Variants in DNAH1 observed in about 807,000 individuals in gnomAD.
DNAH1 encodes dynein axonemal heavy chain 1, also known as axonemal beta dynein heavy chain 1.
Under a neutral mutation model 484.3 loss-of-function variants are expected in DNAH1, and 327 were observed. The observed-to-expected ratio is 0.68, with a 90% CI of 0.62 to 0.74. The LOEUF (loss-of-function observed/expected upper bound fraction) is 0.74, where lower values mean the gene tolerates loss of function less well. Ranked by LOEUF, DNAH1 falls within the 30% of genes least tolerant of loss-of-function variation. The pLI, the probability that DNAH1 is intolerant of heterozygous loss-of-function variation, is 0.00. For synonymous variants in DNAH1, 2,192 were observed against 2,191.9 expected, an observed-to-expected ratio of 1.00 and a Z score of 0.00; for missense variants, 5,052 against 5,546.8, an observed-to-expected ratio of 0.91 and a Z score of 2.83.
chr3:52,373,710 G>T, intron 44 of DNAH1: 1 of 1,365,536 alleles, frequency 7.3e-7, no homozygotes, highest in Non-Finnish European at 1.0e-6. Flanking sequence ...TCAGTGTTGC[G>T]TCCTTTTTGA....
intron 64 of DNAH1, 31 bp downstream of exon 64, chr3:52,392,720 C>T (rs552525986): frequency 6.7e-5 from 106 of 1,575,958 alleles, no homozygotes; most frequent in Non-Finnish European, 8.4e-5. Flanking sequence ...CCACCTGCCC[C>T]GGGAGTGCCC....
At chr3:52,374,936 T>G (rs2153224896) in intron 44 of DNAH1, 1 of 597,836 alleles carries the variant, frequency 1.7e-6, no homozygotes, top group East Asian at 4.2e-5. Context: ...TTGAAATGTT[T>G]TTATAAGATA....
chr3:52,350,568 A>G lies in DNAH1; in HGVS notation c.2707A>G (p.Ser903Gly). Residue 903 changes from serine (S) to glycine (G), a missense_variant, in exon 16 of 78, where the codon AGC becomes GGC. Physicochemically the swap from Ser to Gly is moderately conservative, Grantham distance 56. Coordinates refer to ENST00000420323, the MANE Select transcript of DNAH1 (RefSeq NM_015512.5). ...CATGGATGAATTCCTCTACAACCTC[A>G]GCTCAGATGACTTCAATGACAAGTG... ...QVMDEFLYNL[S>G]SDDFNDKWIA... 6.2e-7 allele frequency: 1 copy of G among 1,613,870 alleles called. No homozygotes were observed.
In DNAH1 at chr3:52,370,494, C is replaced by T. The variant is rs376133388; in HGVS notation, c.6276C>T (p.Pro2092=). Residue 2092 remains proline (P), a synonymous_variant, in exon 40 of 78, where the codon CCC becomes CCT. Transcript: ENST00000420323. ...FLPREGLKKI[P]SEKLSRIVEL... ...ATCCCCAGGGCCTCAAGAAAATACC[C>T]TCTGAAAAGCTGAGTCGCATCGTAG... 2.5e-5 allele frequency: 40 copies of T among 1,613,870 alleles called. No homozygotes were observed. The South Asian group carries it at 3.8e-4, about 16-fold the overall frequency.
rs764731923 is a variant in DNAH1, at chr3:52,395,512, A to C, written c.11128-35A>C. 1.9e-6 allele frequency: 3 copies of C among 1,613,136 alleles called. No homozygotes were observed. Among genetic ancestry groups the C allele is most frequent in the East Asian group, 2.2e-5 (1 of 44,856 alleles). ...AAGGGAGTGGGCTGGGGGGTGGGCA[A>C]GCTGGCCCCCTGCTCAGTGCTCTTG... On this transcript the variant is annotated intron_variant, in intron 69 of 77. Coordinates refer to ENST00000420323, the MANE Select transcript of DNAH1 (RefSeq NM_015512.5). The surrounding 1 kb of genome is among the most constrained non-coding windows in gnomAD (Gnocchi z 4.4).
intron 21 of DNAH1, among the ~76,000 whole-genome samples, chr3:52,356,273 G>C (rs1308037414): frequency 6.6e-6 from 1 of 152,204 alleles, no homozygotes; most frequent in Non-Finnish European, 1.5e-5. Context: ...AAGGAGGCTG[G>C]TTTGTCTCCC....
chr3:52,384,803 C>T lies in DNAH1; in HGVS notation c.8340C>T (p.Tyr2780=), dbSNP rs566804596. The T allele has an allele frequency of 9.3e-5, 149 of 1,605,636 alleles. 3 individuals carry two copies. The South Asian group carries it at 1.6e-3, about 17-fold the overall frequency. The change falls in exon 53 of 78, where the codon TAC becomes TAT. Residue 2780 remains tyrosine, a synonymous_variant. Transcript: ENST00000420323. ...EIQGLIQVCV[Y]IHQSVSKKCI... ...TCCCCCAGATCCAGGTCTGTGTGTACATCCACCAGTCGGTGTCCAAGAAGT... is the reference window on the plus strand; with the variant it reads ...TCCCCCAGATCCAGGTCTGTGTGTATATCCACCAGTCGGTGTCCAAGAAGT...
At chr3:52,327,447 G>T (rs1167384619) in intron 5 of DNAH1, among the ~76,000 whole-genome samples, 1 of 152,114 alleles carries the variant, frequency 6.6e-6, no homozygotes, top group Non-Finnish European at 1.5e-5. Context: ...GTCTAGCTAA[G>T]GGCTACCTCC....
intron 50 of DNAH1, among the ~76,000 whole-genome samples, 179 bp downstream of exon 50, chr3:52,382,634 C>G (rs934639225): frequency 1.3e-5 from 2 of 152,170 alleles, no homozygotes; most frequent in African/African-American, 4.8e-5. Flanking sequence ...TGAGACCAAA[C>G]CCAACCTCTC....
Position 52,357,984 on chromosome 3 carries a change from G to A in DNAH1, c.4067G>A (p.Cys1356Tyr). ...GCCGTGCAGCCACACCTGCGCAAGT[G>A]CTTCGAGAACATCGCTCGGGTGGGC... is the stretch of plus-strand genomic sequence containing the variant. ...PTAVQPHLRKCFENIARLLFQ... is the reference protein window; with the variant it reads ...PTAVQPHLRKYFENIARLLFQ... The change falls in exon 24 of 78, where the codon TGC becomes TAC. Residue 1356 changes from cysteine to tyrosine, a missense_variant. This residue lies in a region of DNAH1 where 2,929 missense variants were observed against 3,409.4 expected (regional missense o/e 0.86). Transcript: ENST00000420323. 1.9e-6 allele frequency: 3 copies of A among 1,610,400 alleles called. No individual in the cohort carries two copies. Among genetic ancestry groups the A allele is most frequent in the East Asian group, 2.2e-5 (1 of 44,770 alleles).
rs1702557272 is a variant in DNAH1, at chr3:52,355,104, G to A, written c.3693+49G>A. ...CCTCATCGCTCCCCCACTTCAGAGA[G>A]CCCGACCCACAGGTGTCACTGATGG... On this transcript the variant is annotated intron_variant, in intron 21 of 77. Transcript: ENST00000420323. The surrounding 1 kb of genome is among the most constrained non-coding windows in gnomAD (Gnocchi z 4.5). 6.3e-7 allele frequency: 1 copy of A among 1,577,150 alleles called. No individual in the cohort carries two copies. Among genetic ancestry groups the A allele is most frequent in the African/African-American group, 1.3e-5 (1 of 74,174 alleles).
intron 75 of DNAH1, 81 bp from the exon 76 acceptor site, chr3:52,398,767 ACT>A: frequency 8.1e-7 from 1 of 1,233,982 alleles, no homozygotes; most frequent in South Asian, 1.6e-5. Flanking sequence ...ATTGTTTTTC[ACT>A]CTGTGGCCTT....
chr3:52,340,174 T>C (rs548332252), intron 8 of DNAH1, among the ~76,000 whole-genome samples: 1 of 152,210 alleles, frequency 6.6e-6, no homozygotes, highest in Admixed American at 6.5e-5. Context: ...CCTCAAACTC[T>C]TGGGCTCAAG....
rs1475328760 is a variant in DNAH1 at position 52,391,235 on chromosome 3, CA to C, written c.9799del (p.Met3267TrpfsTer20). 6.2e-7 allele frequency: 1 copy of C among 1,613,770 alleles called. No homozygotes were observed. Among genetic ancestry groups the C allele is most frequent in the African/African-American group, 1.3e-5 (1 of 74,930 alleles). On this transcript the variant is annotated frameshift_variant, in exon 62 of 78. Coordinates refer to ENST00000420323, the MANE Select transcript of DNAH1 (RefSeq NM_015512.5). LOFTEE classifies it high-confidence loss of function. Reference protein sequence around the residue: ...KLSDRDFLRSMENAIRFGKPC... With the variant: ...KLSDRDFLRSXENAIRFGKPC... ...TGAGTGACCGCGACTTCCTGCGCAG[CA>C]TGGAGAACGCCATCCGCTTTGGCAA...
intron 37 of DNAH1, 131 bp from the exon 38 acceptor site, chr3:52,369,694 T>C: frequency 2.1e-6 from 2 of 973,196 alleles, no homozygotes; most frequent in Non-Finnish European, 3.0e-6. Flanking sequence ...CACCCAGCAC[T>C]GCCCCTGCCC....
In DNAH1 at chr3:52,370,752, T is replaced by C. The variant is rs977106120; in HGVS notation, c.6452T>C (p.Phe2151Ser). Residue 2151 changes from phenylalanine to serine, a missense_variant, in exon 41 of 78, where the codon TTC becomes TCC. By Grantham distance (155) the Phe-to-Ser change is radical. Coordinates refer to ENST00000420323, the MANE Select transcript of DNAH1 (RefSeq NM_015512.5). ...TLLFPEEGLV[F>S]DYRLEDAGIS... ...CTTTTCCCAGAAGAGGGGCTGGTGTTCGATTACAGGCTGGAGGACGCGGGC... is the reference window on the plus strand; with the variant it reads ...CTTTTCCCAGAAGAGGGGCTGGTGTCCGATTACAGGCTGGAGGACGCGGGC... The C allele has an allele frequency of 1.2e-6, 2 of 1,607,606 alleles. No homozygotes were observed. The highest frequency in any genetic ancestry group is 1.7e-6 in the Non-Finnish European group (2 of 1,177,426).
intron 44 of DNAH1, chr3:52,373,943 A>G: frequency 7.6e-7 from 1 of 1,308,122 alleles, no homozygotes. Context: ...CAACGTTAGA[A>G]GCAGGCTGGC....
At chr3:52,357,522 G>T in intron 22 of DNAH1, 92 bp from the exon 23 acceptor site, 1 of 1,495,556 alleles carries the variant, frequency 6.7e-7, no homozygotes, top group East Asian at 2.5e-5. Context: ...CCGCTGAGGG[G>T]CTCTGGCTGG....
Position 52,372,803 on chromosome 3 carries a change from C to G in DNAH1, c.6828-93C>G, listed in dbSNP as rs530585625. On this transcript the variant is annotated intron_variant, in intron 43 of 77. Coordinates refer to ENST00000420323, the MANE Select transcript of DNAH1 (RefSeq NM_015512.5). ...GGAGGAGGCTAAAATTTAGCAAGGG[C>G]TTCCCAGAGGCAAAGCTGCCACCCG... 54 of 1,501,556 alleles carry G rather than the reference C, an allele frequency of 3.6e-5. No individual in the cohort carries two copies. The African/African-American group carries it at 7.5e-4, about 21-fold the overall frequency. The allele number at this position is 1,501,556 out of a possible 1,614,324, so 93.0% of individuals were successfully genotyped here. A position where few individuals can be genotyped will look rare whatever the true frequency, so the allele number is the denominator to read the frequency against.
Sources: allele counts gnomAD v4.1 joint callset (sites outside exome capture counted in the v4.1 genomes callset), GRCh38; gene constraint gnomAD v4.1.1; regional missense constraint gnomAD v4.1.1; non-coding constraint Gnocchi (gnomAD v3.1); transcripts MANE v1.5; gene names NCBI Gene and HGNC (gene_info 2026-07-23, HGNC 2026-07-21).